Variants in PLEKHG1 observed in about 807,000 individuals in gnomAD.
The protein encoded by PLEKHG1 is pleckstrin homology domain-containing family G member 1.
A neutral mutation model predicts 100.8 loss-of-function variants in PLEKHG1; 44 were observed. That is an observed-to-expected ratio of 0.44 (90% CI 0.34 to 0.56). The LOEUF (loss-of-function observed/expected upper bound fraction) is 0.56. Ranked by LOEUF, PLEKHG1 falls within the 20% of genes least tolerant of loss-of-function variation. PLEKHG1 has a pLI of 0.01. For synonymous variants in PLEKHG1, 640 were observed against 662.5 expected (o/e 0.97, Z 0.52); for missense variants, 1,545 against 1,720.9 (o/e 0.90, Z 1.81).
chr6:150,603,684 AAAAAC>A (rs1412542723), intron 1 of PLEKHG1, among the ~76,000 whole-genome samples: 13 of 152,206 alleles, frequency 8.5e-5, no homozygotes, highest in Admixed American at 4.6e-4. Flanking sequence ...AAAAAAAACA[AAAAAC>A]AAAACCAAAA....
At chr6:150,810,079 T>G (rs536545181) in intron 10 of PLEKHG1, among the ~76,000 whole-genome samples, 1 of 152,050 alleles carries the variant, frequency 6.6e-6, no homozygotes, top group East Asian at 2.0e-4. Flanking sequence ...GTGGAACACT[T>G]GAGCCTAGGA....
At chr6:150,781,013 A>G (rs1355337345) in intron 3 of PLEKHG1, among the ~76,000 whole-genome samples, 3 of 151,610 alleles carry the variant, frequency 2.0e-5, no homozygotes, top group African/African-American at 7.3e-5. Context: ...AGCTAGGATT[A>G]CAAGCATGCG....
intron 2 of PLEKHG1, among the ~76,000 whole-genome samples, chr6:150,741,226 C>T (rs1782838690): frequency 6.6e-6 from 1 of 152,074 alleles, no homozygotes; most frequent in Non-Finnish European, 1.5e-5. Context: ...GGGCAGCATT[C>T]GGTGAGAGCA....
chr6:150,623,057 G>A (rs73780054), intron 1 of PLEKHG1, among the ~76,000 whole-genome samples: 1,694 of 151,660 alleles, frequency 0.011, 42 homozygotes, highest in African/African-American at 0.038. Context: ...GAGCGCAGAA[G>A]CTTGTTGAGG....
intron 2 of PLEKHG1, among the ~76,000 whole-genome samples, chr6:150,742,425 T>C (rs1782915789): frequency 6.6e-6 from 1 of 151,362 alleles, no homozygotes; most frequent in Non-Finnish European, 1.5e-5. Flanking sequence ...ATTAGCCGAG[T>C]GTGGTGGTGT....
At chr6:150,637,689 G>A (rs1778067500) in intron 1 of PLEKHG1, among the ~76,000 whole-genome samples, 1 of 152,088 alleles carries the variant, frequency 6.6e-6, no homozygotes, top group Non-Finnish European at 1.5e-5. Context: ...GTGTGTGTGT[G>A]TCTTTTTACC....
chr6:150,783,577 C>T (rs1425201294), intron 3 of PLEKHG1, among the ~76,000 whole-genome samples: 1 of 152,018 alleles, frequency 6.6e-6, no homozygotes, highest in African/African-American at 2.4e-5. Context: ...ACTGTGTTGG[C>T]CGTGCTGGTC....
In PLEKHG1 at chr6:150,799,734, C is replaced by T. The variant is rs926757921; in HGVS notation, c.630-985C>T. Among the ~76,000 whole-genome samples, 6 of 152,280 alleles carry T rather than the reference C, an allele frequency of 3.9e-5. No individual in the cohort carries two copies. The East Asian group carries it at 5.8e-4, about 15-fold the overall frequency. ...AAAAGGGATTCTAATGGTTTAATTA[C>T]GAAACTTCCATTTAACTTCCTTCCT... On this transcript the variant is annotated intron_variant, in intron 5 of 15. Transcript: ENST00000358517.
intron 1 of PLEKHG1, among the ~76,000 whole-genome samples, chr6:150,627,308 T>C (rs751672423): frequency 6.6e-6 from 1 of 152,224 alleles, no homozygotes; most frequent in Non-Finnish European, 1.5e-5. Flanking sequence ...AATATACTTA[T>C]GAGTGACTCA....
intron 2 of PLEKHG1, among the ~76,000 whole-genome samples, chr6:150,755,007 G>A (rs945016627): frequency 1.4e-5 from 2 of 148,068 alleles, no homozygotes; most frequent in Non-Finnish European, 3.0e-5. Flanking sequence ...ATAGGATCTC[G>A]CTCTGTTACC....
chr6:150,822,424 C>T (rs565032852), intron 13 of PLEKHG1, among the ~76,000 whole-genome samples: 6 of 152,292 alleles, frequency 3.9e-5, no homozygotes, highest in Admixed American at 3.9e-4. Context: ...ATCCTCTTAA[C>T]CCAACAGTTT....
At chr6:150,612,749 C>G (rs1404886527) in intron 1 of PLEKHG1, among the ~76,000 whole-genome samples, 1 of 152,194 alleles carries the variant, frequency 6.6e-6, no homozygotes, top group Non-Finnish European at 1.5e-5. Flanking sequence ...ATTTGTTTCT[C>G]ATACCTCAGG....
chr6:150,623,047 G>A (rs1562389802), intron 1 of PLEKHG1, among the ~76,000 whole-genome samples: 1 of 151,290 alleles, frequency 6.6e-6, no homozygotes, highest in Admixed American at 6.6e-5. Flanking sequence ...TGTAGGAAAT[G>A]AGCGCAGAAG....
At chr6:150,773,394 C>T (rs1185921622) in intron 3 of PLEKHG1, among the ~76,000 whole-genome samples, 4 of 152,100 alleles carry the variant, frequency 2.6e-5, no homozygotes, top group Non-Finnish European at 4.4e-5. Context: ...ATTAGCCAGG[C>T]GTGGTGGCGA....
intron 12 of PLEKHG1, 125 bp from the exon 14 acceptor site, chr6:150,821,070 A>C (rs2128678770): frequency 1.4e-6 from 1 of 717,128 alleles, no homozygotes; most frequent in Admixed American, 2.6e-5. Flanking sequence ...GGATTTTGTT[A>C]AATTTGATAC....
At chr6:150,826,232 C>T (rs935111192) in intron 14 of PLEKHG1, among the ~76,000 whole-genome samples, 2 of 151,854 alleles carry the variant, frequency 1.3e-5, no homozygotes, top group Admixed American at 6.6e-5. Context: ...TCACAGCGGG[C>T]GGATTGCCTA....
intron 10 of PLEKHG1, among the ~76,000 whole-genome samples, chr6:150,814,984 A>G (rs780314927): frequency 9.9e-5 from 15 of 152,158 alleles, no homozygotes; most frequent in Non-Finnish European, 1.8e-4. Flanking sequence ...CCTCTCCCAA[A>G]GTGCTAGGAT....
chr6:150,764,905 C>G (rs5015006), intron 2 of PLEKHG1, among the ~76,000 whole-genome samples: 1 of 65,918 alleles, frequency 1.5e-5, no homozygotes, highest in Non-Finnish European at 2.5e-5. Flanking sequence ...CTTGGCTCTT[C>G]AACTATACCG....
intron 1 of PLEKHG1, among the ~76,000 whole-genome samples, chr6:150,622,252 G>T (rs1471116703): frequency 6.6e-6 from 1 of 152,088 alleles, no homozygotes; most frequent in Admixed American, 6.6e-5. Flanking sequence ...TGTGGTGAGG[G>T]GTAATTTTGG....
Sources: gnomAD v4.1 joint callset for allele counts (sites outside exome capture counted in the v4.1 genomes callset) on GRCh38, gnomAD v4.1.1 for gene constraint, MANE v1.5 for transcripts, NCBI Gene and HGNC (gene_info 2026-07-23, HGNC 2026-07-21) for gene names.